PTPN3: variants seen among roughly 807,000 people sequenced by gnomAD.
PTPN3 encodes the protein tyrosine-protein phosphatase non-receptor type 3.
A neutral mutation model predicts 132.7 loss-of-function variants in PTPN3; 96 were observed. That is an observed-to-expected ratio of 0.72 (90% CI 0.61 to 0.86). The LOEUF is 0.86. Ranked by LOEUF, PTPN3 falls within the 40% of genes least tolerant of loss-of-function variation. The pLI is 0.00. For synonymous variants in PTPN3, 398 were observed against 429.0 expected (o/e 0.93, Z 0.89); for missense variants, 1,125 against 1,159.6 (o/e 0.97, Z 0.43).
chr9:109,485,676 T>C (rs562710041), intron 1 of PTPN3, among the ~76,000 whole-genome samples: 29 of 152,254 alleles, frequency 1.9e-4, no homozygotes, highest in African/African-American at 6.5e-4. Context: ...GTTTCCACAC[T>C]CATCTCCTCC....
Position 109,395,753 on chromosome 9 carries a change from C to T in PTPN3, c.1954-4192G>A, listed in dbSNP as rs374920970. Among the ~76,000 whole-genome samples, 17 of 151,952 alleles carry T rather than the reference C, an allele frequency of 1.1e-4. No homozygotes were observed. The East Asian group carries it at 2.9e-3, about 26-fold the overall frequency. On this transcript the variant is annotated intron_variant, in intron 19 of 25. Transcript: ENST00000374541. ...AGTGAGCCAATATTGTGCCACTGCA[C>T]TCCATCCTGGGAGACAGAGGAAGAC... is the stretch of plus-strand genomic sequence containing the variant.
upstream of PTPN3, among the ~76,000 whole-genome samples, chr9:109,502,180 G>T (rs1847871185): frequency 6.6e-6 from 1 of 152,204 alleles, no homozygotes; most frequent in South Asian, 2.1e-4. Context: ...TGCCATTGGG[G>T]CAGAAAATCA....
the PTPN3 span, chr9:109,534,275 C>G: frequency 6.5e-7 from 1 of 1,539,494 alleles, no homozygotes; most frequent in Non-Finnish European, 8.7e-7. Context: ...GCGCTGAGGG[C>G]GGGGGGCGGC....
chr9:109,489,068 G>A (rs1030161851), intron 1 of PTPN3, among the ~76,000 whole-genome samples: 2 of 152,194 alleles, frequency 1.3e-5, no homozygotes, highest in African/African-American at 2.4e-5. Context: ...GGTGACTCCC[G>A]CCTCCTGCCC....
At chr9:109,502,274 G>A (rs551341841), upstream of PTPN3, among the ~76,000 whole-genome samples, 4 of 152,152 alleles carry the variant, frequency 2.6e-5, no homozygotes, top group African/African-American at 7.2e-5. Flanking sequence ...ATTGTCATTC[G>A]CATCAAGACT....
intron 1 of PTPN3, among the ~76,000 whole-genome samples, chr9:109,476,909 T>C (rs996076576): frequency 1.3e-5 from 2 of 152,248 alleles, no homozygotes; most frequent in African/African-American, 4.8e-5. Flanking sequence ...CTGGGCTTCC[T>C]GTGCTACAGG....
At chr9:109,445,077 G>A (rs1039518875) in intron 7 of PTPN3, among the ~76,000 whole-genome samples, 163 bp downstream of exon 7, 5 of 152,206 alleles carry the variant, frequency 3.3e-5, no homozygotes, top group Admixed American at 3.3e-4. Flanking sequence ...CTACAGGAGA[G>A]TGCCAGTCTG....
At chr9:109,536,518 G>A in the PTPN3 span, among the ~76,000 whole-genome samples, 1 of 152,152 alleles carries the variant, frequency 6.6e-6, no homozygotes, top group Non-Finnish European at 1.5e-5. Context: ...ATTATAACAG[G>A]CTGTATATGT....
At chr9:109,471,484 CT>C (rs1846376355) in intron 1 of PTPN3, among the ~76,000 whole-genome samples, 1 of 152,182 alleles carries the variant, frequency 6.6e-6, no homozygotes, top group African/African-American at 2.4e-5. Context: ...GTATCTCCCC[CT>C]AATAAGGGCA....
chr9:109,461,775 T>C (rs1319727269), intron 2 of PTPN3, among the ~76,000 whole-genome samples: 1 of 151,090 alleles, frequency 6.6e-6, no homozygotes, highest in African/African-American at 2.4e-5. Context: ...AAAAAAAAAA[T>C]TAGTTATTCA....
chr9:109,505,782 C>A, the PTPN3 span, among the ~76,000 whole-genome samples: 1 of 151,542 alleles, frequency 6.6e-6, no homozygotes, highest in Non-Finnish European at 1.5e-5. Flanking sequence ...CAGAATCTCG[C>A]TCTGTGGCCC....
At chr9:109,478,051 C>T (rs936318328) in intron 1 of PTPN3, among the ~76,000 whole-genome samples, 2 of 152,212 alleles carry the variant, frequency 1.3e-5, no homozygotes, top group Admixed American at 6.5e-5. Flanking sequence ...GACAGCCTCA[C>T]GGTGTCTGAA....
At chr9:109,473,629 G>C (rs980672943) in intron 1 of PTPN3, among the ~76,000 whole-genome samples, 15 of 152,318 alleles carry the variant, frequency 9.8e-5, no homozygotes, top group Middle Eastern at 3.4e-3. Flanking sequence ...GGTTTTCAGT[G>C]TTGTGATGAG....
the PTPN3 span, among the ~76,000 whole-genome samples, chr9:109,511,050 C>T: frequency 6.6e-6 from 1 of 152,144 alleles, no homozygotes; most frequent in Non-Finnish European, 1.5e-5. Context: ...GCAACAAATA[C>T]ATAAAATATT....
chr9:109,381,637 T>C lies in PTPN3; in HGVS notation c.2664+15A>G, dbSNP rs891420440. 4 of 1,614,076 alleles carry C rather than the reference T, an allele frequency of 2.5e-6. No homozygotes were observed. Among genetic ancestry groups the C allele is most frequent in the Non-Finnish European group, 3.4e-6 (4 of 1,179,918 alleles). The stretch of plus-strand genomic sequence containing the variant: ...AGAAAGTGCCAGCCACCGTAATTAC[T>C]GGATTTCTACTCACTGATGTCTGCA... On this transcript the variant is annotated intron_variant, in intron 25 of 25. Transcript: ENST00000374541.
At chr9:109,442,771 G>A (rs946645288) in intron 7 of PTPN3, among the ~76,000 whole-genome samples, 1 of 152,092 alleles carries the variant, frequency 6.6e-6, no homozygotes, top group Non-Finnish European at 1.5e-5. Flanking sequence ...ACCCTTGAAG[G>A]AGACACTTAT....
In PTPN3 at chr9:109,461,755, T is replaced by G. The variant is rs1025943951; in HGVS notation, c.138+1542A>C. Among the ~76,000 whole-genome samples the G allele has an allele frequency of 5.0e-5, 5 of 99,862 alleles. No homozygotes were observed. The South Asian group carries it at 1.7e-3, about 34-fold the overall frequency. 65.5% of individuals were successfully genotyped at this position (99,862 alleles called of 152,430 possible). ...CTGGGTGACAGAGAAAGACCTTGTT[T>G]CAGGAAAAAAAAAAAAAAATTAGTT... On this transcript the variant is annotated intron_variant, in intron 2 of 25. Transcript: ENST00000374541.
the PTPN3 span, chr9:109,532,944 GTTTTTTTTTTTT>G: frequency 1.0e-3 from 320 of 311,780 alleles, no homozygotes; most frequent in East Asian, 8.0e-3. Flanking sequence ...TCTTTTCTGG[GTTTTTTTTTTTT>G]TTTTTTTTTT....
At position 109,404,556 on chromosome 9, in the gene PTPN3, GA is replaced by G; in HGVS notation, c.1844del (p.Phe615SerfsTer23). 2 of 1,567,280 alleles carry G rather than the reference GA, an allele frequency of 1.3e-6. No individual in the cohort carries two copies. The highest frequency in any genetic ancestry group is 8.7e-7 in the Non-Finnish European group (1 of 1,149,522). On this transcript the variant is annotated frameshift_variant, in exon 19 of 26. Coordinates refer to ENST00000374541, the MANE Select transcript of PTPN3 (RefSeq NM_002829.4). LOFTEE classifies it high-confidence loss of function. ...FKSEDELNQL[F>X]PEAIFPMCPE... ...GACACATGGGGAAAATGGCTTCGGGGAAAAGCTGGTTCAGTTCATCTTCAGA... is the reference window on the plus strand; with the variant it reads ...GACACATGGGGAAAATGGCTTCGGGGAAAGCTGGTTCAGTTCATCTTCAGA...
Sources: allele counts gnomAD v4.1 joint callset (sites outside exome capture counted in the v4.1 genomes callset), GRCh38; gene constraint gnomAD v4.1.1; transcripts MANE v1.5; gene names NCBI Gene and HGNC (gene_info 2026-07-23, HGNC 2026-07-21).